The following RALGAPA1 variants were observed in gnomAD, a reference collection of about 807,000 sequenced individuals.
The protein encoded by RALGAPA1 is Ral GTPase activating protein catalytic subunit alpha 1.
Under a neutral mutation model 269.6 loss-of-function variants are expected in RALGAPA1, and 52 were observed. The observed-to-expected ratio is 0.19, with a 90% confidence interval of 0.15 to 0.24. The LOEUF (loss-of-function observed/expected upper bound fraction) is 0.24, where lower values mean the gene tolerates loss of function less well. RALGAPA1 is among the 10% of genes least tolerant of loss of function. The pLI is 1.00. For synonymous variants in RALGAPA1, 817 were observed against 1,008.3 expected, an observed-to-expected ratio of 0.81 and a Z score of 3.60; for missense variants, 1,917 against 3,013.9, an observed-to-expected ratio of 0.64 and a Z score of 8.52.
intron 14 of RALGAPA1, 34 bp from the exon 15 acceptor site, chr14:35,723,298 T>C (rs370075730): frequency 8.3e-7 from 1 of 1,197,634 alleles, no homozygotes; most frequent in Non-Finnish European, 1.2e-6. Flanking sequence ...AACAATAAAA[T>C]GTGTTTAGTG....
At chr14:35,801,751 A>G (rs1027956687) in intron 1 of RALGAPA1, among the ~76,000 whole-genome samples, 3 of 152,168 alleles carry the variant, frequency 2.0e-5, no homozygotes, top group African/African-American at 7.2e-5. Flanking sequence ...AACTCTCTAA[A>G]TCTGATAAAG....
chr14:35,561,506 GTTTTTTTTTTTTTT>G (rs750062810), intron 39 of RALGAPA1, among the ~76,000 whole-genome samples: 1 of 72,898 alleles, frequency 1.4e-5, no homozygotes, highest in Non-Finnish European at 2.5e-5. Context: ...TAATATAGGA[GTTTTTTTTTTTTTT>G]TTTTTTTTTT....
At chr14:35,759,740 T>A (rs1381724952) in intron 6 of RALGAPA1, among the ~76,000 whole-genome samples, 1 of 151,704 alleles carries the variant, frequency 6.6e-6, no homozygotes, top group Non-Finnish European at 1.5e-5. Flanking sequence ...CGAAACCCTG[T>A]CTCTACTAAA....
intron 33 of RALGAPA1, among the ~76,000 whole-genome samples, chr14:35,628,898 G>A (rs2061150524): frequency 6.6e-6 from 1 of 151,850 alleles, no homozygotes; most frequent in South Asian, 2.1e-4. Context: ...AAAATCATAG[G>A]AAACAGTCAA....
intron 12 of RALGAPA1, among the ~76,000 whole-genome samples, chr14:35,732,915 A>C (rs151315135): frequency 6.6e-6 from 1 of 152,248 alleles, no homozygotes; most frequent in Non-Finnish European, 1.5e-5. Flanking sequence ...AGATATATAC[A>C]GAACATTTCA....
At chr14:35,638,628 C>T (rs1861639492) in intron 31 of RALGAPA1, among the ~76,000 whole-genome samples, 1 of 151,938 alleles carries the variant, frequency 6.6e-6, no homozygotes, top group Non-Finnish European at 1.5e-5. Context: ...ACCTACTTAT[C>T]AATAATACCA....
intron 31 of RALGAPA1, among the ~76,000 whole-genome samples, chr14:35,645,363 G>C (rs958654385): frequency 6.6e-6 from 1 of 150,596 alleles, no homozygotes; most frequent in Non-Finnish European, 1.5e-5. Context: ...GTGTGTGTGT[G>C]TGTGTGTGTG....
chr14:35,700,525 A>C (rs1372003137), intron 16 of RALGAPA1, among the ~76,000 whole-genome samples: 1 of 152,220 alleles, frequency 6.6e-6, no homozygotes, highest in African/African-American at 2.4e-5. Flanking sequence ...ATAAAGCAGA[A>C]AAATGCTATT....
intron 35 of RALGAPA1, among the ~76,000 whole-genome samples, chr14:35,607,230 T>G (rs1241843270): frequency 6.6e-6 from 1 of 152,230 alleles, no homozygotes; most frequent in African/African-American, 2.4e-5. Context: ...ACAACTTGTT[T>G]CCTTGCCCCA....
chr14:35,694,833 T>A (rs2066770116), intron 17 of RALGAPA1, among the ~76,000 whole-genome samples: 1 of 152,048 alleles, frequency 6.6e-6, no homozygotes, highest in Admixed American at 6.6e-5. Context: ...TTCCAGCACT[T>A]TGGGAGGCCC....
chr14:35,699,460 T>C (rs1033910389), intron 17 of RALGAPA1, among the ~76,000 whole-genome samples: 3 of 152,112 alleles, frequency 2.0e-5, no homozygotes, highest in Admixed American at 6.6e-5. Context: ...CTATGCATTT[T>C]ATTACATGTT....
intron 38 of RALGAPA1, 89 bp downstream of exon 38, chr14:35,572,471 C>G: frequency 9.3e-7 from 1 of 1,070,390 alleles, no homozygotes; most frequent in Non-Finnish European, 1.3e-6. Context: ...GATGCCTACT[C>G]CAAATTTTAT....
chr14:35,800,570 T>C (rs951813494), intron 1 of RALGAPA1, among the ~76,000 whole-genome samples: 1 of 152,190 alleles, frequency 6.6e-6, no homozygotes, highest in African/African-American at 2.4e-5. Flanking sequence ...TATTCTAAGT[T>C]GTGAGATGCT....
chr14:35,597,389 T>G (rs1341981474), intron 36 of RALGAPA1, among the ~76,000 whole-genome samples: 1 of 152,180 alleles, frequency 6.6e-6, no homozygotes, highest in African/African-American at 2.4e-5. Context: ...TGTTTTACTT[T>G]AGTTCAGAAA....
intron 35 of RALGAPA1, among the ~76,000 whole-genome samples, chr14:35,619,306 G>A (rs550310905): frequency 2.0e-5 from 3 of 152,214 alleles, no homozygotes; most frequent in African/African-American, 7.2e-5. Context: ...ATTACACACT[G>A]CATGTCTGTA....
At chr14:35,611,313 C>T (rs1181899455) in intron 35 of RALGAPA1, among the ~76,000 whole-genome samples, 1 of 151,934 alleles carries the variant, frequency 6.6e-6, no homozygotes, top group African/African-American at 2.4e-5. Context: ...ACCATTCTGG[C>T]CAACATGGTG....
chr14:35,702,736 T>G (rs1248731449), intron 16 of RALGAPA1, among the ~76,000 whole-genome samples: 1 of 148,026 alleles, frequency 6.8e-6, no homozygotes, highest in Non-Finnish European at 1.5e-5. Flanking sequence ...AATATATATA[T>G]ATATACATTT....
chr14:35,647,268 A>C (rs988880995), intron 31 of RALGAPA1, among the ~76,000 whole-genome samples: 9 of 152,162 alleles, frequency 5.9e-5, no homozygotes, highest in South Asian at 2.1e-4. Context: ...ATTTTTATTG[A>C]ATTTATCTTT....
chr14:35,774,924 G>C (rs2074905226), intron 3 of RALGAPA1, 82 bp downstream of exon 3: 1 of 853,954 alleles, frequency 1.2e-6, no homozygotes, highest in African/African-American at 1.8e-5. Flanking sequence ...TTCATTACAT[G>C]TTTTATAATT....
Sources: gnomAD v4.1 joint callset for allele counts (sites outside exome capture counted in the v4.1 genomes callset) on GRCh38, gnomAD v4.1.1 for gene constraint, MANE v1.5 for transcripts, NCBI Gene and HGNC (gene_info 2026-07-23, HGNC 2026-07-21) for gene names.